The following CDH8 variants were observed in gnomAD, a reference collection of about 807,000 sequenced individuals.
CDH8 encodes the protein cadherin-8.
Under a neutral mutation model 68.1 loss-of-function variants are expected in CDH8, and 17 were observed. The observed-to-expected ratio is 0.25, with a 90% CI of 0.17 to 0.37. The LOEUF (loss-of-function observed/expected upper bound fraction) is 0.37. CDH8 is among the 10% of genes least tolerant of loss of function. The pLI, the probability that CDH8 is intolerant of heterozygous loss-of-function variation, is 1.00. For missense variants in CDH8, 763 were observed against 999.3 expected, an observed-to-expected ratio of 0.76 and a Z score of 3.19; for synonymous variants, 372 against 365.1, an observed-to-expected ratio of 1.02 and a Z score of -0.21.
intron 8 of CDH8, among the ~76,000 whole-genome samples, chr16:61,728,478 TG>T (rs1959439761): frequency 6.6e-6 from 1 of 151,082 alleles, no homozygotes; most frequent in African/African-American, 2.4e-5. Flanking sequence ...AAAATCAAGG[TG>T]ATGGCCTGAA....
At chr16:61,916,055 T>C (rs1023123789) in intron 2 of CDH8, among the ~76,000 whole-genome samples, 1 of 152,220 alleles carries the variant, frequency 6.6e-6, no homozygotes, top group Admixed American at 6.5e-5. Context: ...ATCAGTAATA[T>C]AATGGCACTG....
At chr16:61,938,644 C>T (rs1412573941) in intron 2 of CDH8, among the ~76,000 whole-genome samples, 8 of 152,084 alleles carry the variant, frequency 5.3e-5, no homozygotes. Context: ...GCCTGGTAAC[C>T]TCTGGTTGTT....
chr16:61,848,440 A>G (rs1962863936), intron 4 of CDH8, among the ~76,000 whole-genome samples: 1 of 152,134 alleles, frequency 6.6e-6, no homozygotes, highest in Non-Finnish European at 1.5e-5. Context: ...CAAAGGTGCA[A>G]ATAACATGAC....
intron 9 of CDH8, among the ~76,000 whole-genome samples, chr16:61,717,887 G>A (rs761378039): frequency 4.0e-5 from 6 of 151,420 alleles, no homozygotes; most frequent in Middle Eastern, 3.4e-3. Context: ...TACCTTGAGA[G>A]GTAAATATTA....
chr16:61,907,887 C>CA (rs1964089527), intron 2 of CDH8, among the ~76,000 whole-genome samples: 2 of 150,602 alleles, frequency 1.3e-5, no homozygotes, highest in African/African-American at 4.9e-5. Flanking sequence ...TACTAAAATA[C>CA]AAAAAATTAG....
intron 2 of CDH8, among the ~76,000 whole-genome samples, chr16:61,906,114 C>A (rs1305188446): frequency 6.6e-6 from 1 of 151,956 alleles, no homozygotes. Flanking sequence ...GTTGTGAAAC[C>A]AAGATACAGG....
intron 3 of CDH8, among the ~76,000 whole-genome samples, chr16:61,873,988 G>A (rs375307987): frequency 6.6e-5 from 10 of 152,070 alleles, no homozygotes; most frequent in South Asian, 2.1e-4. Context: ...CCTGGGAGGC[G>A]GAGGTCGTAG....
chr16:62,016,988 A>G (rs1211310338), intron 2 of CDH8, among the ~76,000 whole-genome samples: 1 of 152,240 alleles, frequency 6.6e-6, no homozygotes, highest in Non-Finnish European at 1.5e-5. Context: ...AAAATTGTTA[A>G]CTACCCAGGT....
chr16:61,767,749 A>G (rs1960630311), intron 8 of CDH8, among the ~76,000 whole-genome samples: 1 of 151,960 alleles, frequency 6.6e-6, no homozygotes, highest in Non-Finnish European at 1.5e-5. Flanking sequence ...CAGCACAGAC[A>G]TGCATTAGCC....
chr16:61,722,900 A>T lies in CDH8; in HGVS notation c.1536+4194T>A, dbSNP rs78680335. Among the ~76,000 whole-genome samples the T allele has an allele frequency of 3.9e-4, 59 of 150,826 alleles. No homozygotes were observed. The East Asian group carries it at 0.011, about 29-fold the overall frequency. ...TTTTTGTTTCTCTTTTTTAACTCAGATATAATTACTTGACACCAAACAGCA... is the reference window on the plus strand; with the variant it reads ...TTTTTGTTTCTCTTTTTTAACTCAGTTATAATTACTTGACACCAAACAGCA... On this transcript the variant is annotated intron_variant, in intron 9 of 11. Transcript: ENST00000577390.
At chr16:61,886,101 G>A (rs1023415358) in intron 3 of CDH8, among the ~76,000 whole-genome samples, 16 of 152,190 alleles carry the variant, frequency 1.1e-4, no homozygotes, top group Admixed American at 8.5e-4. Flanking sequence ...AGGATTTAAC[G>A]TTTCAGCTCA....
intron 10 of CDH8, among the ~76,000 whole-genome samples, chr16:61,695,136 T>C (rs1003239970): frequency 6.6e-6 from 1 of 151,990 alleles, no homozygotes; most frequent in Non-Finnish European, 1.5e-5. Flanking sequence ...ATTCCCATAA[T>C]GTGAATGGAA....
rs143393288 is a variant in CDH8, at chr16:61,720,317, C to A, written c.1537-6359G>T. Among the ~76,000 whole-genome samples the A allele has an allele frequency of 8.0e-4, 121 of 151,108 alleles. 1 individual carries two copies. The highest frequency in any genetic ancestry group is 2.7e-3 in the African/African-American group (113 of 41,414). On this transcript the variant is annotated intron_variant, in intron 9 of 11. Transcript: ENST00000577390. Reference sequence around the variant, plus strand: ...TACTACCTACAGTCAATTTGACTTTCTTTAAAAAACCTGCTCATCATCATG... The same window carrying A: ...TACTACCTACAGTCAATTTGACTTTATTTAAAAAACCTGCTCATCATCATG...
chr16:61,684,350 A>T (rs975009131), intron 10 of CDH8, among the ~76,000 whole-genome samples: 2 of 151,942 alleles, frequency 1.3e-5, no homozygotes, highest in Non-Finnish European at 2.9e-5. Flanking sequence ...ACTCTCATTC[A>T]TTCATTCACC....
At chr16:61,831,335 A>G (rs1962449854) in intron 4 of CDH8, among the ~76,000 whole-genome samples, 1 of 151,860 alleles carries the variant, frequency 6.6e-6, no homozygotes, top group South Asian at 2.1e-4. Flanking sequence ...AAGGAGGATC[A>G]TCTTGTTTAA....
chr16:61,714,162 A>G (rs961026039), intron 9 of CDH8: 3 of 539,016 alleles, frequency 5.6e-6, no homozygotes, highest in Non-Finnish European at 6.5e-6. Context: ...AAGTTGATGA[A>G]AATTAAGAGC....
chr16:61,884,527 C>G (rs936064627), intron 3 of CDH8, among the ~76,000 whole-genome samples: 2 of 151,916 alleles, frequency 1.3e-5, no homozygotes, highest in African/African-American at 2.4e-5. Context: ...CTCTGTGCCA[C>G]CACACCCGGC....
Position 61,647,964 on chromosome 16 carries a change from T to A in CDH8, c.*5644A>T. On this transcript the variant is annotated 3_prime_UTR_variant, in exon 12 of 12. Coordinates refer to ENST00000577390, the MANE Select transcript of CDH8 (RefSeq NM_001796.5). ...AGAAATAATACTTGCATTCAAGATG[T>A]GAATTAGATGGTGGCAGGTAACTCA... The A allele has an allele frequency of 1.5e-6, 1 of 646,474 alleles. No homozygotes were observed. Among genetic ancestry groups the A allele is most frequent in the South Asian group, 1.7e-5 (1 of 58,356 alleles). The allele number at this position is 646,474 out of a possible 1,614,324, so 40.0% of individuals were successfully genotyped here.
chr16:62,006,931 C>A (rs1192235790), intron 2 of CDH8, among the ~76,000 whole-genome samples: 2 of 148,542 alleles, frequency 1.3e-5, no homozygotes, highest in African/African-American at 5.0e-5. Context: ...TTTTTGAGAC[C>A]GAGTCTCACT....
Sources: allele counts gnomAD v4.1 joint callset (sites outside exome capture counted in the v4.1 genomes callset), GRCh38; gene constraint gnomAD v4.1.1; transcripts MANE v1.5; gene names NCBI Gene and HGNC (gene_info 2026-07-23, HGNC 2026-07-21).